The following LAMA1 variants were observed in gnomAD, a reference collection of about 807,000 sequenced individuals.
LAMA1 encodes laminin subunit alpha 1.
A neutral mutation model predicts 348.7 loss-of-function variants in LAMA1; 219 were observed. That is an observed-to-expected ratio of 0.63 (90% CI 0.56 to 0.70). LAMA1 has a LOEUF of 0.70. Ranked by LOEUF, LAMA1 falls within the 30% of genes least tolerant of loss-of-function variation. The pLI is 0.00. For missense variants in LAMA1, 3,744 were observed against 3,888.0 expected (o/e 0.96, Z 0.99); for synonymous variants, 1,487 against 1,491.0 (o/e 1.00, Z 0.06).
At chr18:7,087,041 A>G (rs1215317799) in intron 1 of LAMA1, among the ~76,000 whole-genome samples, 2 of 152,202 alleles carry the variant, frequency 1.3e-5, no homozygotes, top group Non-Finnish European at 2.9e-5. Flanking sequence ...AGCAAATAGA[A>G]ATAGAGAGAA....
At chr18:6,983,278 A>T (rs1178130817) in intron 39 of LAMA1, 44 bp from the exon 40 acceptor site, 4 of 1,609,694 alleles carry the variant, frequency 2.5e-6, no homozygotes, top group Non-Finnish European at 3.4e-6. Flanking sequence ...AAACTAAATC[A>T]AACTTGCCAA....
rs1226181802 is a variant in LAMA1 at position 6,971,856 on chromosome 18, C to A, written c.6899+1G>T. Reference sequence around the variant, plus strand: ...TGTGCTAAACCGTGACGACATCTTACCTTCCGAAGCACCCACGGCACTTGC... The same window carrying A: ...TGTGCTAAACCGTGACGACATCTTAACTTCCGAAGCACCCACGGCACTTGC... On this transcript the variant is annotated splice_donor_variant, in intron 48 of 62. Transcript: ENST00000389658. LOFTEE classifies it high-confidence loss of function. The A allele has an allele frequency of 1.2e-6, 2 of 1,614,116 alleles. No individual in the cohort carries two copies. Among genetic ancestry groups the A allele is most frequent in the Non-Finnish European group, 1.7e-6 (2 of 1,180,012 alleles).
At chr18:7,017,847 A>T (rs2144129145) in intron 19 of LAMA1, among the ~76,000 whole-genome samples, 1 of 152,336 alleles carries the variant, frequency 6.6e-6, no homozygotes, top group Admixed American at 6.5e-5. Flanking sequence ...CTTTTCATTA[A>T]ATATGATATC....
Position 7,065,090 on chromosome 18 carries a change from A to G in LAMA1, c.346-14154T>C, listed in dbSNP as rs540616458. ...CTACTAAAAATACAAAAAATTAGCC[A>G]GGCATAGTGGCACGTGCCTGTAGTC... On this transcript the variant is annotated intron_variant, in intron 3 of 62. Coordinates refer to ENST00000389658, the MANE Select transcript of LAMA1 (RefSeq NM_005559.4). 5.3e-5 allele frequency among the ~76,000 whole-genome samples: 8 copies of G among 152,110 alleles called. No homozygotes were observed. In the South Asian group the frequency reaches 1.7e-3, roughly 32 times the overall value.
intron 3 of LAMA1, among the ~76,000 whole-genome samples, chr18:7,064,555 T>C (rs1280776196): frequency 6.6e-6 from 1 of 152,204 alleles, no homozygotes; most frequent in African/African-American, 2.4e-5. Flanking sequence ...ACTCAGGACT[T>C]TACAGTGAAA....
At chr18:7,067,580 C>T (rs919280213) in intron 3 of LAMA1, among the ~76,000 whole-genome samples, 23 of 151,918 alleles carry the variant, frequency 1.5e-4, no homozygotes, top group African/African-American at 4.8e-4. Flanking sequence ...GTGACGCAAA[C>T]GTTCTATACC....
intron 59 of LAMA1, among the ~76,000 whole-genome samples, 165 bp downstream of exon 59, chr18:6,948,936 G>A (rs760802960): frequency 4.6e-5 from 7 of 152,170 alleles, no homozygotes; most frequent in African/African-American, 1.4e-4. Context: ...TCTGAGGGGC[G>A]GCCCTGGCAC....
chr18:7,091,234 C>T (rs531925306), intron 1 of LAMA1, among the ~76,000 whole-genome samples: 31 of 152,268 alleles, frequency 2.0e-4, no homozygotes, highest in African/African-American at 7.2e-4. Flanking sequence ...ATTGCACTTA[C>T]GCAAAACACA....
intron 41 of LAMA1, 99 bp downstream of exon 41, chr18:6,982,398 C>T: frequency 1.0e-6 from 1 of 967,578 alleles, no homozygotes; most frequent in Non-Finnish European, 1.7e-6. Context: ...AAATGCTAAG[C>T]TTCAAGTTGC....
rs551925356 is a variant in LAMA1 at position 7,116,290 on chromosome 18, G to C, written c.61+1370C>G. Among the ~76,000 whole-genome samples, 6 of 152,284 alleles carry C rather than the reference G, an allele frequency of 3.9e-5. No homozygotes were observed. In the South Asian group the frequency reaches 1.2e-3, roughly 32 times the overall value. ...CTCTTTCTCTACCCTGTGGGAAACC[G>C]GGACTTGTTCACCTTCAGCAGCCTG... On this transcript the variant is annotated intron_variant, in intron 1 of 62. Coordinates refer to ENST00000389658, the MANE Select transcript of LAMA1 (RefSeq NM_005559.4).
Position 7,010,353 on chromosome 18 carries a change from G to A in LAMA1, c.3720C>T (p.Ser1240=), listed in dbSNP as rs927562686. The A allele has an allele frequency of 1.7e-5, 27 of 1,613,990 alleles. No homozygotes were observed. Among genetic ancestry groups the A allele is most frequent in the Admixed American group, 1.0e-4 (6 of 60,000 alleles). ...LMAYGGKLKY[S]VAFYSLDGVG... ...CGCCATCCAAAGAATAGAAGGCCAC[G>A]CTGTACTTCAGTTTGCCACCATAGG... Residue 1240 remains serine (S), a synonymous_variant, in exon 26 of 63, where the codon AGC becomes AGT. Transcript: ENST00000389658.
At chr18:6,981,102 C>CA (rs1216591782) in intron 41 of LAMA1, among the ~76,000 whole-genome samples, 3,453 of 76,534 alleles carry the variant, frequency 0.045, 49 homozygotes, top group African/African-American at 0.078. Flanking sequence ...GACTCCGTCT[C>CA]AAAAAAAAAA....
Position 7,010,287 on chromosome 18 carries a change from A to G in LAMA1, c.3786T>C (p.Gly1262=). Residue 1262 remains glycine, a synonymous_variant, in exon 26 of 63, where the codon GGT becomes GGC. Transcript: ENST00000389658. ...SNFEPQVLIK[G]GRIRKQVIYM... is the part of the protein sequence containing the mutation. Reference sequence around the variant, plus strand: ...AAATGACTTGCTTTCTGATCCGACCACCTTTGATGAGAACTTGAGGCTCAA... The same window carrying G: ...AAATGACTTGCTTTCTGATCCGACCGCCTTTGATGAGAACTTGAGGCTCAA... The G allele has an allele frequency of 6.2e-7, 1 of 1,614,116 alleles. No homozygotes were observed. The highest frequency in any genetic ancestry group is 8.5e-7 in the Non-Finnish European group (1 of 1,180,024).
In LAMA1 at chr18:6,966,280, G is replaced by A; in HGVS notation, c.6917C>T (p.Pro2306Leu). 1 of 1,613,806 alleles carries A rather than the reference G, an allele frequency of 6.2e-7. No homozygotes were observed. Among genetic ancestry groups the A allele is most frequent in the East Asian group, 2.2e-5 (1 of 44,870 alleles). Residue 2306 changes from proline to leucine, a missense_variant, in exon 49 of 63, where the codon CCT becomes CTT. This residue lies in a region of LAMA1 where 1,983 missense variants were observed against 1,934.3 expected (regional missense o/e 1.03). Transcript: ENST00000389658. The stretch of plus-strand genomic sequence containing the variant: ...CCCACTCCCGTCAAAATGGAAGGAA[G>A]GGTCTTCATTCTGGGAGCTGCAAAG... ...GCFGSSQNED[P>L]SFHFDGSGYS... is the part of the protein sequence containing the mutation.
At chr18:7,076,962 G>A (rs1408708301) in intron 3 of LAMA1, 1 of 151,896 alleles carries the variant, frequency 6.6e-6, no homozygotes, top group Non-Finnish European at 1.5e-5. Context: ...AAAAGTGTTT[G>A]TAATAAAAAG....
chr18:7,071,242 G>A (rs1598305304), intron 3 of LAMA1, among the ~76,000 whole-genome samples: 1 of 152,210 alleles, frequency 6.6e-6, no homozygotes, highest in Non-Finnish European at 1.5e-5. Flanking sequence ...GCAAGCCTGT[G>A]ACCTGCTTAC....
At chr18:6,952,373 C>T (rs915328547) in intron 57 of LAMA1, among the ~76,000 whole-genome samples, 1 of 152,112 alleles carries the variant, frequency 6.6e-6, no homozygotes, top group Non-Finnish European at 1.5e-5. Context: ...GATGGTTAAA[C>T]GAGGAAACAG....
chr18:7,057,466 CT>C (rs1171366957), intron 3 of LAMA1, among the ~76,000 whole-genome samples: 1 of 125,580 alleles, frequency 8.0e-6, no homozygotes, highest in African/African-American at 3.1e-5. Context: ...CTTTTCTTTT[CT>C]TTTCTTTTTT....
rs73938574 is a variant in LAMA1, at chr18:7,091,612, T to C, written c.62-11155A>G. Among the ~76,000 whole-genome samples, 902 of 152,358 alleles carry C rather than the reference T, an allele frequency of 5.9e-3. 6 individuals carry two copies. The highest frequency in any genetic ancestry group is 0.02 in the African/African-American group (842 of 41,576). Reference sequence around the variant, plus strand: ...TTTACTTGCTTATGCTTTAAAACTTTAGCATCCTTGTTTCACTATCGCGGG... The same window carrying C: ...TTTACTTGCTTATGCTTTAAAACTTCAGCATCCTTGTTTCACTATCGCGGG... On this transcript the variant is annotated intron_variant, in intron 1 of 62. Coordinates refer to ENST00000389658, the MANE Select transcript of LAMA1 (RefSeq NM_005559.4).
Sources: allele counts gnomAD v4.1 joint callset (sites outside exome capture counted in the v4.1 genomes callset), GRCh38; gene constraint gnomAD v4.1.1; regional missense constraint gnomAD v4.1.1; transcripts MANE v1.5; gene names NCBI Gene and HGNC (gene_info 2026-07-23, HGNC 2026-07-21).